RARG: variants seen among roughly 807,000 people sequenced by gnomAD.
RARG encodes the protein RAR-gamma.
In RARG, 17 loss-of-function variants were observed where a neutral mutation model predicts 43.7. The observed-to-expected ratio is 0.39, with a 90% CI of 0.27 to 0.58. RARG has a LOEUF of 0.58. Among genes scored for constraint, RARG ranks in the 20% least tolerant of loss-of-function variants. RARG has a pLI of 0.57. For synonymous variants in RARG, 238 were observed against 236.4 expected, an observed-to-expected ratio of 1.01 and a Z score of -0.06; for missense variants, 346 against 598.7, an observed-to-expected ratio of 0.58 and a Z score of 4.40.
chr12:53,222,709 G>A (rs976973094), intron 3 of RARG, among the ~76,000 whole-genome samples: 19 of 152,024 alleles, frequency 1.2e-4, no homozygotes, highest in African/African-American at 4.6e-4. Flanking sequence ...ACGGTGTCAG[G>A]CCCGCCCTCC....
chr12:53,220,591 C>G (rs941979987), intron 3 of RARG, among the ~76,000 whole-genome samples: 32 of 152,130 alleles, frequency 2.1e-4, no homozygotes, highest in Non-Finnish European at 4.4e-4. Context: ...CATGTGAGCA[C>G]GCATATAAAA....
rs1182118595 is a variant in RARG at position 53,227,177 on chromosome 12, G to T, written c.184+185C>A. 2.0e-5 allele frequency among the ~76,000 whole-genome samples: 3 copies of T among 152,070 alleles called. No homozygotes were observed. The highest frequency in any genetic ancestry group is 1.5e-5 in the Non-Finnish European group (1 of 68,020). ...ACTCTCATTTGCAAACACTTCCATT[G>T]AGTCCACATCCAAACTCCTTCCTCA... On this transcript the variant is annotated intron_variant, in intron 3 of 9. Transcript: ENST00000425354. The surrounding 1 kb of genome is among the most constrained non-coding windows in gnomAD (Gnocchi z 4.3).
At position 53,213,459 on chromosome 12, in the gene RARG, C is replaced by T. The variant is rs969041796; in HGVS notation, c.1018+37G>A. On this transcript the variant is annotated intron_variant, in intron 8 of 9. Transcript: ENST00000425354. This position sits in a 1 kb window ranked among gnomAD's most constrained non-coding sequence, Gnocchi z 4.7. ...CCGCATGGAGTGGTGGGAAAGGAGACTGAGCACTGAGCAGACGCCAGGGGG... is the reference window on the plus strand; with the variant it reads ...CCGCATGGAGTGGTGGGAAAGGAGATTGAGCACTGAGCAGACGCCAGGGGG... 3 of 1,600,392 alleles carry T rather than the reference C, an allele frequency of 1.9e-6. No individual in the cohort carries two copies. Among genetic ancestry groups the T allele is most frequent in the Non-Finnish European group, 2.6e-6 (3 of 1,170,588 alleles).
Position 53,215,583 on chromosome 12 carries a change from CT to C in RARG, c.333+62del. 1 of 1,587,004 alleles carries C rather than the reference CT, an allele frequency of 6.3e-7. No homozygotes were observed. The highest frequency in any genetic ancestry group is 8.6e-7 in the Non-Finnish European group (1 of 1,162,994). On this transcript the variant is annotated intron_variant, in intron 4 of 9. Coordinates refer to ENST00000425354, the MANE Select transcript of RARG (RefSeq NM_000966.6). This position sits in a 1 kb window ranked among gnomAD's most constrained non-coding sequence, Gnocchi z 6.4. ...CTGCTCAGACACAGCATCTGTGTGC[CT>C]GGTCTCTCATCTTACTAGGGTAACT...
At chr12:53,221,258 C>G (rs1339272504) in intron 3 of RARG, among the ~76,000 whole-genome samples, 4 of 151,834 alleles carry the variant, frequency 2.6e-5, no homozygotes, top group African/African-American at 9.7e-5. Flanking sequence ...GTCCCCGAAG[C>G]CTTATCCCGC....
At chr12:53,223,667 C>T (rs1451463603) in intron 3 of RARG, among the ~76,000 whole-genome samples, 2 of 152,204 alleles carry the variant, frequency 1.3e-5, no homozygotes, top group African/African-American at 2.4e-5. Flanking sequence ...TGGAGGAGGC[C>T]TCACTGCCCT....
intron 3 of RARG, chr12:53,220,540 A>G: frequency 3.5e-6 from 1 of 287,828 alleles, no homozygotes; most frequent in Admixed American, 5.1e-5. Context: ...CATTTATCTT[A>G]TCAGGCACCA....
At position 53,227,633 on chromosome 12, in the gene RARG, C is replaced by T; in HGVS notation, c.-88G>A. 1 of 1,368,984 alleles carries T rather than the reference C, an allele frequency of 7.3e-7. No homozygotes were observed. Among genetic ancestry groups the T allele is most frequent in the Non-Finnish European group, 9.4e-7 (1 of 1,061,820 alleles). The allele number at this position is 1,368,984 out of a possible 1,614,324, so 84.8% of individuals were successfully genotyped here. ...CCCCTGCCCATGCCCACTGCCCCAGCCTGGGAGGCTCCGTACCCGCCCTGC... is the reference window on the plus strand; with the variant it reads ...CCCCTGCCCATGCCCACTGCCCCAGTCTGGGAGGCTCCGTACCCGCCCTGC... On this transcript the variant is annotated 5_prime_UTR_variant, in exon 3 of 10. Coordinates refer to ENST00000425354, the MANE Select transcript of RARG (RefSeq NM_000966.6). This position sits in a 1 kb window ranked among gnomAD's most constrained non-coding sequence, Gnocchi z 4.3.
At chr12:53,219,986 C>T (rs1438233339) in intron 3 of RARG, 1 of 1,521,846 alleles carries the variant, frequency 6.6e-7, no homozygotes. Context: ...GCAAAAGATT[C>T]AAGTCCGGCG....
chr12:53,217,059 G>A (rs1049100242), intron 3 of RARG, among the ~76,000 whole-genome samples: 2 of 152,008 alleles, frequency 1.3e-5, no homozygotes, highest in Non-Finnish European at 2.9e-5. Flanking sequence ...CCGCCCCAAC[G>A]CAGCCAGAAG....
In RARG at chr12:53,215,263, C is replaced by T. The variant is rs1942729275; in HGVS notation, c.475+30G>A. 6.2e-7 allele frequency: 1 copy of T among 1,610,698 alleles called. No homozygotes were observed. The highest frequency in any genetic ancestry group is 1.7e-5 in the Admixed American group (1 of 59,800). On this transcript the variant is annotated intron_variant, in intron 5 of 9. Coordinates refer to ENST00000425354, the MANE Select transcript of RARG (RefSeq NM_000966.6). This position sits in a 1 kb window ranked among gnomAD's most constrained non-coding sequence, Gnocchi z 6.4. The stretch of plus-strand genomic sequence containing the variant: ...ACAGCCATAGGGTAGGACCGAAGTG[C>T]TCCTGCCCAAGCCAAGGATGGCAGC...
rs763361169 is a variant in RARG at position 53,227,502 on chromosome 12, C to A, written c.44G>T (p.Gly15Val). ...TGCCCCTGGGTAGCCAGATCCAGGC[C>A]CCAGGGCACCAGCCGCAAAGAGTCG... ...KERLFAAGAL[G>V]PGSGYPGAGF... is the part of the protein sequence containing the mutation. The change falls in exon 3 of 10, where the codon GGG (glycine) becomes GTG (valine). Residue 15 changes from glycine (G) to valine (V), a missense_variant. Gly to Val is a moderately radical substitution (Grantham distance 109). This residue lies in a region of RARG where 90 missense variants were observed against 93.2 expected (regional missense o/e 0.97). Coordinates refer to ENST00000425354, the MANE Select transcript of RARG (RefSeq NM_000966.6). The surrounding 1 kb of genome is among the most constrained non-coding windows in gnomAD (Gnocchi z 4.3). 1 of 1,603,730 alleles carries A rather than the reference C, an allele frequency of 6.2e-7. No individual in the cohort carries two copies.
Position 53,213,054 on chromosome 12 carries a change from G to T in RARG, c.1177+31C>A. ...CCTGGGAGACCAACAGCCCTGGGAA[G>T]ACAGAGAGGGGACACCCACTCATGA... On this transcript the variant is annotated intron_variant, in intron 9 of 9. Coordinates refer to ENST00000425354, the MANE Select transcript of RARG (RefSeq NM_000966.6). This position sits in a 1 kb window ranked among gnomAD's most constrained non-coding sequence, Gnocchi z 4.7. 6.3e-7 allele frequency: 1 copy of T among 1,588,150 alleles called. No individual in the cohort carries two copies. Among genetic ancestry groups the T allele is most frequent in the Non-Finnish European group, 8.6e-7 (1 of 1,164,706 alleles).
At chr12:53,222,572 G>A (rs1943003788) in intron 3 of RARG, among the ~76,000 whole-genome samples, 1 of 152,146 alleles carries the variant, frequency 6.6e-6, no homozygotes, top group Admixed American at 6.5e-5. Flanking sequence ...GGAGTTGGGG[G>A]AGGGCTCCAG....
In RARG at chr12:53,225,190, A is replaced by G. The variant is rs1190560960; in HGVS notation, c.184+2172T>C. 5.6e-4 allele frequency among the ~76,000 whole-genome samples: 85 copies of G among 152,180 alleles called. 2 individuals are homozygous for G. The highest frequency in any genetic ancestry group is 1.9e-4 in the Non-Finnish European group (13 of 68,038). On this transcript the variant is annotated intron_variant, in intron 3 of 9. Transcript: ENST00000425354. ...ATGAAGTCTGGGGAAGCCCAGCTGT[A>G]GTTTCCAAAAAGGGTACTTTGTGCT...
rs1565718175 is a variant in RARG, at chr12:53,213,270, GA to G, written c.1019-28del. 2.6e-6 allele frequency: 4 copies of G among 1,537,796 alleles called. No individual in the cohort carries two copies. In the South Asian group the frequency reaches 4.5e-5, roughly 17 times the overall value. ...TATGGGGACAAGTATACTGGAGTGA[GA>G]GGGGAAGGAAGAGATGGGGAAGACA... is the stretch of plus-strand genomic sequence containing the variant. On this transcript the variant is annotated intron_variant, in intron 8 of 9. Transcript: ENST00000425354. This position sits in a 1 kb window ranked among gnomAD's most constrained non-coding sequence, Gnocchi z 4.7.
intron 6 of RARG, 85 bp from the exon 7 acceptor site, chr12:53,214,320 C>A: frequency 6.5e-7 from 1 of 1,539,618 alleles, no homozygotes; most frequent in Non-Finnish European, 8.9e-7. Flanking sequence ...ATCCCAAGCT[C>A]TCTCCTCTGC....
In RARG at chr12:53,213,655, T is replaced by G; in HGVS notation, c.859A>C (p.Thr287Pro). 1 of 1,613,660 alleles carries G rather than the reference T, an allele frequency of 6.2e-7. No homozygotes were observed. Among genetic ancestry groups the G allele is most frequent in the Non-Finnish European group, 8.5e-7 (1 of 1,179,832 alleles). The change falls in exon 8 of 10, where the codon ACC becomes CCC. Residue 287 changes from threonine (T) to proline (P), a missense_variant. Thr to Pro is a conservative substitution (Grantham distance 38, BLOSUM62 -1). Around this residue, in one of 8 missense-constraint regions of RARG, gnomAD observed 37 missense variants for 146.3 expected, o/e 0.25. Transcript: ENST00000425354. This position sits in a 1 kb window ranked among gnomAD's most constrained non-coding sequence, Gnocchi z 4.7. The stretch of plus-strand genomic sequence containing the variant: ...TTCAGGGTCAGCCCGTCGGAGAAGG[T>G]CATGGTGTCCTGCTCTGGGGTGTAC... ...TRYTPEQDTMTFSDGLTLNRT... is the reference protein window; with the variant it reads ...TRYTPEQDTMPFSDGLTLNRT...
intron 3 of RARG, among the ~76,000 whole-genome samples, chr12:53,224,115 G>A (rs571862004): frequency 6.6e-6 from 1 of 151,950 alleles, no homozygotes; most frequent in Admixed American, 6.5e-5. Context: ...GAACACACAC[G>A]CACGCACACA....
Sources: allele counts gnomAD v4.1 joint callset (sites outside exome capture counted in the v4.1 genomes callset), GRCh38; gene constraint gnomAD v4.1.1; regional missense constraint gnomAD v4.1.1; non-coding constraint Gnocchi (gnomAD v3.1); transcripts MANE v1.5; gene names NCBI Gene and HGNC (gene_info 2026-07-23, HGNC 2026-07-21).